The following PDGFRL variants were observed in gnomAD, a reference collection of about 807,000 sequenced individuals.
PDGFRL encodes platelet-derived growth factor receptor-like protein.
A neutral mutation model predicts 37.2 loss-of-function variants in PDGFRL; 46 were observed. The observed-to-expected ratio is 1.24, with a 90% CI of 0.98 to 1.58. The LOEUF (loss-of-function observed/expected upper bound fraction) is 1.58. PDGFRL is among the 40% of genes most tolerant of loss of function. The probability of loss-of-function intolerance (pLI) is 0.00; values close to 1 mark genes in which losing one functional copy is unlikely to be tolerated. For missense variants in PDGFRL, 692 were observed against 467.6 expected, an observed-to-expected ratio of 1.48 and a Z score of -4.43; for synonymous variants, 251 against 184.3, an observed-to-expected ratio of 1.36 and a Z score of -2.93.
At chr8:17,638,028 T>A (rs192542378) in intron 5 of PDGFRL, among the ~76,000 whole-genome samples, 3 of 152,306 alleles carry the variant, frequency 2.0e-5, no homozygotes, top group Admixed American at 6.5e-5. Flanking sequence ...TCTTTTGTAT[T>A]TTTTTGGTTC....
chr8:17,594,800 C>T (rs899706099), intron 2 of PDGFRL, among the ~76,000 whole-genome samples: 1 of 151,974 alleles, frequency 6.6e-6, no homozygotes, highest in Non-Finnish European at 1.5e-5. Context: ...CTCGGCCTCC[C>T]AAAGTGCTGG....
At chr8:17,618,244 T>C (rs544345753) in intron 2 of PDGFRL, among the ~76,000 whole-genome samples, 16 of 152,126 alleles carry the variant, frequency 1.1e-4, no homozygotes, top group African/African-American at 2.4e-4. Context: ...TTTGTAGATA[T>C]GGGGTTTTGC....
chr8:17,584,047 G>C (rs1297342288), intron 1 of PDGFRL, among the ~76,000 whole-genome samples: 3 of 152,196 alleles, frequency 2.0e-5, no homozygotes, highest in African/African-American at 7.2e-5. Flanking sequence ...TAGTATAAAT[G>C]TCTGGATGGT....
At chr8:17,605,268 A>T (rs1456556358) in intron 2 of PDGFRL, among the ~76,000 whole-genome samples, 1 of 152,166 alleles carries the variant, frequency 6.6e-6, no homozygotes, top group East Asian at 1.9e-4. Flanking sequence ...TTCCTGTGTC[A>T]GTTGCCTCCA....
intron 1 of PDGFRL, among the ~76,000 whole-genome samples, chr8:17,586,734 C>T (rs1488930630): frequency 6.6e-6 from 1 of 152,144 alleles, no homozygotes; most frequent in African/African-American, 2.4e-5. Context: ...ATTTAACTCC[C>T]ACAGTAATTA....
At chr8:17,627,178 A>T (rs945766008) in intron 3 of PDGFRL, among the ~76,000 whole-genome samples, 1 of 152,222 alleles carries the variant, frequency 6.6e-6, no homozygotes, top group South Asian at 2.1e-4. Context: ...ACCCACAAGC[A>T]GCAGATGGTT....
intron 5 of PDGFRL, among the ~76,000 whole-genome samples, chr8:17,642,101 A>C (rs1373779569): frequency 6.6e-6 from 1 of 151,996 alleles, no homozygotes; most frequent in Non-Finnish European, 1.5e-5. Context: ...CTTTTCTCCC[A>C]CTAGAGTCCT....
At chr8:17,593,688 A>G (rs568237075) in intron 2 of PDGFRL, among the ~76,000 whole-genome samples, 22 of 152,106 alleles carry the variant, frequency 1.4e-4, no homozygotes, top group Non-Finnish European at 2.6e-4. Context: ...GGAGGTCAGG[A>G]GTTCGAGACC....
chr8:17,586,705 A>C (rs1222487319), intron 1 of PDGFRL, among the ~76,000 whole-genome samples: 1 of 152,206 alleles, frequency 6.6e-6, no homozygotes, highest in Non-Finnish European at 1.5e-5. Context: ...TAATTTCAGC[A>C]GTTTTGACAT....
chr8:17,642,753 G>C lies in PDGFRL; in HGVS notation c.1080G>C (p.Gln360His), dbSNP rs1805171182. Residue 360 changes from glutamine (Q) to histidine (H), a missense_variant, in exon 6 of 6, where the codon CAG becomes CAC. Physicochemically the swap from Gln to His is conservative, Grantham distance 24 (BLOSUM62 0). Coordinates refer to ENST00000251630, the MANE Select transcript of PDGFRL (RefSeq NM_001372073.1). ...IDAGYYICTAQNLQGQTTVAT... is the reference protein window; with the variant it reads ...IDAGYYICTAHNLQGQTTVAT... ...CAGGATATTACATTTGCACTGCTCA[G>C]AATCTTCAAGGACAGACCACAGTAG... is the stretch of plus-strand genomic sequence containing the variant. The C allele has an allele frequency of 6.2e-7, 1 of 1,611,486 alleles. No individual in the cohort carries two copies. The highest frequency in any genetic ancestry group is 1.3e-5 in the African/African-American group (1 of 75,008).
intron 2 of PDGFRL, among the ~76,000 whole-genome samples, chr8:17,601,394 A>G (rs1011190646): frequency 3.3e-5 from 5 of 152,006 alleles, no homozygotes; most frequent in African/African-American, 4.8e-5. Context: ...TCTGGGAGCA[A>G]GCTCAAAGAA....
At chr8:17,578,538 T>C (rs1405939164) in intron 1 of PDGFRL, among the ~76,000 whole-genome samples, 1 of 152,200 alleles carries the variant, frequency 6.6e-6, no homozygotes, top group Admixed American at 6.5e-5. Context: ...TAAAATGCAA[T>C]ATTAAAATGC....
At chr8:17,616,321 AG>A (rs1261464693) in intron 2 of PDGFRL, among the ~76,000 whole-genome samples, 7 of 152,168 alleles carry the variant, frequency 4.6e-5, no homozygotes, top group African/African-American at 1.7e-4. Flanking sequence ...CAGCCTCCCC[AG>A]TAGCTGGGAC....
intron 2 of PDGFRL, among the ~76,000 whole-genome samples, chr8:17,599,212 A>T (rs543424827): frequency 6.6e-6 from 1 of 152,156 alleles, no homozygotes; most frequent in East Asian, 1.9e-4. Flanking sequence ...AGTGTGAGCC[A>T]TCAGATCCTG....
intron 5 of PDGFRL, among the ~76,000 whole-genome samples, chr8:17,638,789 T>TAAA (rs1261075050): frequency 1.1e-5 from 1 of 90,654 alleles, no homozygotes; most frequent in Non-Finnish European, 2.2e-5. Flanking sequence ...ATATATATAA[T>TAAA]TGTGATATTT....
intron 1 of PDGFRL, among the ~76,000 whole-genome samples, chr8:17,579,597 T>C (rs548000253): frequency 7.3e-4 from 109 of 148,926 alleles, no homozygotes; most frequent in African/African-American, 2.4e-3. Flanking sequence ...AGATGGAGTC[T>C]TGCTATGTCA....
chr8:17,637,970 T>C (rs541607483), intron 5 of PDGFRL, among the ~76,000 whole-genome samples: 9 of 152,270 alleles, frequency 5.9e-5, no homozygotes, highest in Admixed American at 5.2e-4. Flanking sequence ...ATTTTGTTAA[T>C]AGTCTATCAG....
At chr8:17,597,114 A>G (rs571011293) in intron 2 of PDGFRL, among the ~76,000 whole-genome samples, 3 of 152,272 alleles carry the variant, frequency 2.0e-5, no homozygotes, top group Admixed American at 2.0e-4. Context: ...TCTACCTCTC[A>G]TGTTCAAGCA....
chr8:17,614,802 A>C (rs566223313), intron 2 of PDGFRL, among the ~76,000 whole-genome samples: 2 of 152,114 alleles, frequency 1.3e-5, no homozygotes, highest in Non-Finnish European at 2.9e-5. Context: ...GGCAGCACAG[A>C]GCGTTCAAAG....
Sources: allele counts gnomAD v4.1 joint callset (sites outside exome capture counted in the v4.1 genomes callset), GRCh38; gene constraint gnomAD v4.1.1; transcripts MANE v1.5; gene names NCBI Gene and HGNC (gene_info 2026-07-23, HGNC 2026-07-21).